Variants in COLEC10 observed in about 807,000 individuals in gnomAD.
The protein encoded by COLEC10 is collectin-10.
COLEC10 carries 22 observed loss-of-function variants against 28.4 expected under a neutral mutation model. The observed-to-expected ratio is 0.78, with a 90% confidence interval of 0.55 to 1.11. COLEC10 has a LOEUF of 1.11. COLEC10 is among the 50% of genes least tolerant of loss of function. The probability of loss-of-function intolerance (pLI) is 0.00; values close to 1 mark genes in which losing one functional copy is unlikely to be tolerated. For synonymous variants in COLEC10, 125 were observed against 116.1 expected, an observed-to-expected ratio of 1.08 and a Z score of -0.49; for missense variants, 361 against 344.1, an observed-to-expected ratio of 1.05 and a Z score of -0.39.
At chr8:119,070,713 A>G (rs1304640985) in intron 1 of COLEC10, among the ~76,000 whole-genome samples, 1 of 151,716 alleles carries the variant, frequency 6.6e-6, no homozygotes, top group Admixed American at 6.6e-5. Flanking sequence ...GCGATAAAAT[A>G]TGTACAGCTA....
At chr8:118,998,209 A>G (rs1345356719) in intron 1 of COLEC10, among the ~76,000 whole-genome samples, 1 of 152,190 alleles carries the variant, frequency 6.6e-6, no homozygotes, top group African/African-American at 2.4e-5. Context: ...AATTGGTGTG[A>G]ATTTAGAAGA....
At chr8:118,960,785 G>GGAAAAAAAAAAA in the COLEC10 span, among the ~76,000 whole-genome samples, 2 of 72,556 alleles carry the variant, frequency 2.8e-5, no homozygotes, top group African/African-American at 1.0e-4. Flanking sequence ...GAGACTCTGT[G>GGAAAAAAAAAAA]AAAAAAAAAA....
intron 1 of COLEC10, among the ~76,000 whole-genome samples, chr8:119,007,913 A>G (rs962309764): frequency 3.3e-5 from 5 of 150,880 alleles, no homozygotes; most frequent in Non-Finnish European, 7.4e-5. Flanking sequence ...ATAGGTTTTC[A>G]TGAGATATAA....
intron 3 of COLEC10, among the ~76,000 whole-genome samples, chr8:119,092,157 C>A (rs1458550371): frequency 6.7e-6 from 1 of 149,952 alleles, no homozygotes; most frequent in East Asian, 2.0e-4. Context: ...GCAACCTCTG[C>A]CTCCCGGGTT....
chr8:119,105,244 C>T (rs1318386302), intron 5 of COLEC10, among the ~76,000 whole-genome samples: 3 of 151,924 alleles, frequency 2.0e-5, no homozygotes, highest in African/African-American at 4.8e-5. Flanking sequence ...TGCAGGCAAA[C>T]GATGAGACTA....
intron 1 of COLEC10, among the ~76,000 whole-genome samples, chr8:119,079,452 T>G (rs1447360567): frequency 6.6e-6 from 1 of 152,170 alleles, no homozygotes; most frequent in Non-Finnish European, 1.5e-5. Context: ...AGCATGCCAC[T>G]TAGTCCTGAA....
At chr8:119,069,213 C>T (rs890106647) in intron 1 of COLEC10, among the ~76,000 whole-genome samples, 1 of 152,040 alleles carries the variant, frequency 6.6e-6, no homozygotes, top group Non-Finnish European at 1.5e-5. Context: ...CCTAAAGCAA[C>T]ATGAGTATAT....
intron 2 of COLEC10, among the ~76,000 whole-genome samples, chr8:119,049,714 G>A (rs552704607): frequency 6.6e-6 from 1 of 151,848 alleles, no homozygotes; most frequent in Non-Finnish European, 1.5e-5. Flanking sequence ...TCGCCTGGCT[G>A]GTATTTTCTT....
the COLEC10 span, chr8:118,982,654 CT>C: frequency 5.4e-6 from 1 of 183,842 alleles, no homozygotes; most frequent in Non-Finnish European, 1.2e-5. Flanking sequence ...GGAAGATCTC[CT>C]TTTCAGAAGG....
At chr8:119,073,092 G>T (rs760238378) in intron 1 of COLEC10, among the ~76,000 whole-genome samples, 1 of 152,144 alleles carries the variant, frequency 6.6e-6, no homozygotes, top group African/African-American at 2.4e-5. Flanking sequence ...GTCACCCTCA[G>T]GGATAATTTG....
chr8:119,096,685 C>G (rs893297075), intron 3 of COLEC10, among the ~76,000 whole-genome samples: 12 of 151,988 alleles, frequency 7.9e-5, no homozygotes, highest in African/African-American at 2.9e-4. Context: ...TATGTGCTAC[C>G]TTTGTATTCA....
chr8:119,070,446 G>GCTCTCTCTCTCTCTCTCTCTCT (rs760543405), intron 1 of COLEC10, among the ~76,000 whole-genome samples: 4 of 80,600 alleles, frequency 5.0e-5, no homozygotes, highest in Non-Finnish European at 6.8e-5. Context: ...GTTCTCCCTC[G>GCTCTCTCTCTCTCTCTCTCTCT]CTCTCTCTCT....
chr8:119,098,730 C>T (rs545990797), intron 3 of COLEC10, among the ~76,000 whole-genome samples: 10 of 151,964 alleles, frequency 6.6e-5, no homozygotes, highest in African/African-American at 2.2e-4. Context: ...CTATAAGTAC[C>T]ACTTTTCCTT....
the COLEC10 span, among the ~76,000 whole-genome samples, chr8:118,959,190 T>C: frequency 6.6e-6 from 1 of 152,154 alleles, no homozygotes; most frequent in African/African-American, 2.4e-5. Context: ...AAAGAGGGGA[T>C]TTCTTTTCAT....
intron 2 of COLEC10, among the ~76,000 whole-genome samples, chr8:119,024,461 G>T (rs1479521587): frequency 6.6e-6 from 1 of 152,030 alleles, no homozygotes; most frequent in Non-Finnish European, 1.5e-5. Flanking sequence ...GGTTCATGGA[G>T]CATCTTGGGA....
At chr8:119,059,264 T>TATC (rs908333252) in intron 2 of COLEC10, among the ~76,000 whole-genome samples, 2 of 151,842 alleles carry the variant, frequency 1.3e-5, no homozygotes, top group Admixed American at 1.3e-4. Flanking sequence ...TTTGGTGTAC[T>TATC]AAGAAACTTC....
chr8:119,065,498 G>A (rs1217615193), upstream of COLEC10, among the ~76,000 whole-genome samples: 1 of 152,006 alleles, frequency 6.6e-6, no homozygotes, highest in East Asian at 1.9e-4. Flanking sequence ...ACATTATAGT[G>A]AGTTGTATAA....
At chr8:118,952,689 C>T in the COLEC10 span, among the ~76,000 whole-genome samples, 1 of 152,208 alleles carries the variant, frequency 6.6e-6, no homozygotes, top group Non-Finnish European at 1.5e-5. Flanking sequence ...CCTTCACCAA[C>T]CCCACCATCA....
chr8:119,073,943 TATATACACATATATACAC>T (rs1237956519), intron 1 of COLEC10, among the ~76,000 whole-genome samples: 10 of 67,638 alleles, frequency 1.5e-4, no homozygotes, highest in African/African-American at 1.2e-3. Context: ...AAAACGTACA[TATATACACATATATACAC>T]ATATACACAT....
Sources: gnomAD v4.1 joint callset for allele counts (sites outside exome capture counted in the v4.1 genomes callset) on GRCh38, gnomAD v4.1.1 for gene constraint, MANE v1.5 for transcripts, NCBI Gene and HGNC (gene_info 2026-07-23, HGNC 2026-07-21) for gene names.